Variants in VRK3 observed in about 807,000 individuals in gnomAD.
VRK3 encodes the protein VRK serine/threonine kinase 3, also known as serine/threonine-protein kinase VRK3.
VRK3 carries 50 observed loss-of-function variants against 60.4 expected under a neutral mutation model. That is an observed-to-expected ratio of 0.83 (90% CI 0.66 to 1.05). The LOEUF is 1.05. Ranked by LOEUF, VRK3 falls within the 50% of genes least tolerant of loss-of-function variation. The pLI, the probability that VRK3 is intolerant of heterozygous loss-of-function variation, is 0.00. For missense variants in VRK3, 549 were observed against 585.3 expected, an observed-to-expected ratio of 0.94 and a Z score of 0.64; for synonymous variants, 246 against 227.8, an observed-to-expected ratio of 1.08 and a Z score of -0.72.
At chr19:50,016,649 T>C (rs1329504795) in intron 2 of VRK3, among the ~76,000 whole-genome samples, 1 of 152,238 alleles carries the variant, frequency 6.6e-6, no homozygotes, top group Non-Finnish European at 1.5e-5. Context: ...CAGCACAGCC[T>C]ATTCTATCCT....
At chr19:50,018,195 A>G (rs534282687) in intron 2 of VRK3, among the ~76,000 whole-genome samples, 38 of 152,242 alleles carry the variant, frequency 2.5e-4, no homozygotes, top group Admixed American at 2.2e-3. Context: ...GATGAGGTCT[A>G]AATGAATACA....
At chr19:50,000,941 G>T in intron 5 of VRK3, 87 bp from the exon 6 acceptor site, 3 of 1,305,432 alleles carry the variant, frequency 2.3e-6, no homozygotes, top group South Asian at 1.4e-5. Context: ...ATGAGAAGCG[G>T]CTCTGGTGCC....
chr19:50,021,484 G>T (rs181781567), intron 1 of VRK3, among the ~76,000 whole-genome samples: 108 of 152,312 alleles, frequency 7.1e-4, no homozygotes, highest in Middle Eastern at 3.4e-3. Flanking sequence ...CCCAGGCAGA[G>T]AAACCACATG....
chr19:49,976,769 C>G lies in VRK3; in HGVS notation c.*27G>C, dbSNP rs2076337404. The G allele has an allele frequency of 6.6e-6, 1 of 152,100 alleles. No individual in the cohort carries two copies. The highest frequency in any genetic ancestry group is 1.5e-5 in the Non-Finnish European group (1 of 68,032). 9.4% of individuals were successfully genotyped at this position (152,100 alleles called of 1,614,324 possible). A position where few individuals can be genotyped will look rare whatever the true frequency, so the allele number is the denominator to read the frequency against. On this transcript the variant is annotated 3_prime_UTR_variant, in exon 15 of 15. Transcript: ENST00000316763. ...TTCATTTTTTTTTTTCTGTTGCACACTGCAAATGGAAAGTTCTGGAAGACA... is the reference window on the plus strand; with the variant it reads ...TTCATTTTTTTTTTTCTGTTGCACAGTGCAAATGGAAAGTTCTGGAAGACA...
chr19:49,983,918 A>G (rs1306392621), intron 12 of VRK3, among the ~76,000 whole-genome samples: 1 of 150,940 alleles, frequency 6.6e-6, no homozygotes, highest in African/African-American at 2.5e-5. Flanking sequence ...TACTCTCCAG[A>G]GAGCATTTTT....
intron 3 of VRK3, among the ~76,000 whole-genome samples, chr19:50,014,619 G>A (rs1470854596): frequency 4.0e-5 from 6 of 151,608 alleles, no homozygotes; most frequent in African/African-American, 1.4e-4. Flanking sequence ...GGCAGTGAAA[G>A]AGTGGGGCAT....
In VRK3 at chr19:49,976,494, C is replaced by CA. The variant is rs1264012967; in HGVS notation, c.*301dup. 4 of 152,652 alleles carry CA rather than the reference C, an allele frequency of 2.6e-5. No homozygotes were observed. The highest frequency in any genetic ancestry group is 4.8e-5 in the African/African-American group (2 of 41,480). The allele number at this position is 152,652 out of a possible 1,614,324, so 9.5% of individuals were successfully genotyped here. The stretch of plus-strand genomic sequence containing the variant: ...CTGGTAAAACAATTTATTACCAAAG[C>CA]ACAGAGGTGTCAAGGGTAGGAGGGG... On this transcript the variant is annotated 3_prime_UTR_variant, in exon 15 of 15. Coordinates refer to ENST00000316763, the MANE Select transcript of VRK3 (RefSeq NM_016440.4).
chr19:50,000,539 A>G, intron 6 of VRK3: 4 of 538,624 alleles, frequency 7.4e-6, no homozygotes, highest in East Asian at 3.3e-5. Context: ...TCTGAGGGGG[A>G]TGGGCTTGCC....
Position 50,009,254 on chromosome 19 carries a change from A to G in VRK3, c.271T>C (p.Ser91Pro), listed in dbSNP as rs750843629. 42 of 1,614,082 alleles carry G rather than the reference A, an allele frequency of 2.6e-5. No individual in the cohort carries two copies. The East Asian group carries it at 8.9e-4, about 34-fold the overall frequency. ...CTCTTACCTTTGGATCTCTCAGAGG[A>G]ACTCAGAGTATCTTCAGACTCAGAA... Reference protein sequence around the residue: ...DSSESEDTLSSSERSKGSGSR... With the variant: ...DSSESEDTLSPSERSKGSGSR... The change falls in exon 4 of 15, where the codon TCC becomes CCC. Residue 91 changes from serine to proline, a missense_variant. By Grantham distance (74) the Ser-to-Pro change is moderately conservative. Transcript: ENST00000316763.
intron 2 of VRK3, among the ~76,000 whole-genome samples, chr19:50,017,367 G>T (rs897032116): frequency 1.3e-5 from 2 of 151,852 alleles, no homozygotes; most frequent in African/African-American, 4.8e-5. Flanking sequence ...CTGAGGTCAG[G>T]AGTCCAAGAC....
chr19:50,010,048 T>TTATATATATA (rs767619218), intron 3 of VRK3, among the ~76,000 whole-genome samples: 89 of 148,340 alleles, frequency 6.0e-4, no homozygotes, highest in African/African-American at 2.2e-3. Flanking sequence ...AATAATTATT[T>TTATATATATA]TATATATATA....
At chr19:50,022,471 CCT>C (rs1237731733) in intron 1 of VRK3, among the ~76,000 whole-genome samples, 3 of 152,130 alleles carry the variant, frequency 2.0e-5, no homozygotes, top group Non-Finnish European at 4.4e-5. Context: ...TAAGTCAGAC[CCT>C]GTCTGTGTCC....
intron 12 of VRK3, 86 bp from the exon 13 acceptor site, chr19:49,981,099 C>T (rs199583550): frequency 2.7e-6 from 3 of 1,100,266 alleles, no homozygotes; most frequent in Non-Finnish European, 3.8e-6. Context: ...ATATACACAG[C>T]CTAAGATATA....
At chr19:50,015,975 A>C in intron 3 of VRK3, 49 bp downstream of exon 3, 1 of 1,612,766 alleles carries the variant, frequency 6.2e-7, no homozygotes, top group Non-Finnish European at 8.5e-7. Context: ...ACACACGTGT[A>C]TGCACCTTAT....
At position 49,981,013 on chromosome 19, in the gene VRK3, C is replaced by A. The variant is rs1173922121; in HGVS notation, c.1218G>T (p.Lys406Asn). 1.9e-6 allele frequency: 3 copies of A among 1,612,260 alleles called. No homozygotes were observed. The highest frequency in any genetic ancestry group is 2.5e-6 in the Non-Finnish European group (3 of 1,179,174). Residue 406 changes from lysine (K) to asparagine (N), a missense_variant and splice_region_variant, in exon 13 of 15, where the codon AAG (lysine) becomes AAT (asparagine). Physicochemically the swap from Lys to Asn is moderately conservative, Grantham distance 94. Coordinates refer to ENST00000316763, the MANE Select transcript of VRK3 (RefSeq NM_016440.4). ...CGAAGGGCCCCGGCTTATCAACAAA[C>A]CTGAAGGGACAGAAACACATGTGAA... ...NTEDIMKQKQ[K>N]FVDKPGPFVG...
At position 49,989,676 on chromosome 19, in the gene VRK3, GTCCC is replaced by G; in HGVS notation, c.1055_1058del (p.Gly352AlafsTer29). Reference sequence around the variant, plus strand: ...GCAGGTCCATGCTAATGAACTCAAGGTCCCCCTCGTGAGGGCTCCTGCTGCCTTC... The same window carrying G: ...GCAGGTCCATGCTAATGAACTCAAGGCCTCGTGAGGGCTCCTGCTGCCTTC... On this transcript the variant is annotated frameshift_variant, in exon 11 of 15. Transcript: ENST00000316763. LOFTEE classifies it high-confidence loss of function. The G allele has an allele frequency of 6.2e-7, 1 of 1,613,700 alleles. No homozygotes were observed. The highest frequency in any genetic ancestry group is 8.5e-7 in the Non-Finnish European group (1 of 1,179,730).
chr19:49,983,514 G>A (rs1426475000), intron 12 of VRK3, among the ~76,000 whole-genome samples: 3 of 152,218 alleles, frequency 2.0e-5, no homozygotes, highest in African/African-American at 7.2e-5. Context: ...ATTATACACT[G>A]CACAGCAACA....
intron 14 of VRK3, among the ~76,000 whole-genome samples, chr19:49,977,615 C>G (rs573126523): frequency 1.3e-5 from 2 of 152,118 alleles, no homozygotes; most frequent in South Asian, 4.1e-4. Context: ...GAGGAGCTGG[C>G]TGCCAGCAGA....
At chr19:50,015,942 A>C in intron 3 of VRK3, 82 bp downstream of exon 3, 1 of 1,582,812 alleles carries the variant, frequency 6.3e-7, no homozygotes, top group East Asian at 2.2e-5. Flanking sequence ...GACAGGCTGC[A>C]AAGGCATCCT....
Sources: allele counts gnomAD v4.1 joint callset (sites outside exome capture counted in the v4.1 genomes callset), GRCh38; gene constraint gnomAD v4.1.1; transcripts MANE v1.5; gene names NCBI Gene and HGNC (gene_info 2026-07-23, HGNC 2026-07-21).